The following LUC7L3 variants were observed in gnomAD, a reference collection of about 807,000 sequenced individuals.
LUC7L3 encodes the protein LUC7 like 3 pre-mRNA splicing factor, also known as luc7-like protein 3.
Under a neutral mutation model 66.8 loss-of-function variants are expected in LUC7L3, and 6 were observed. That is an observed-to-expected ratio of 0.09 (90% CI 0.05 to 0.18). LUC7L3 has a LOEUF of 0.18. Ranked by LOEUF, LUC7L3 falls within the 10% of genes least tolerant of loss-of-function variation. The pLI, the probability that LUC7L3 is intolerant of heterozygous loss-of-function variation, is 1.00. For missense variants in LUC7L3, 341 were observed against 531.1 expected (o/e 0.64, Z 3.52); for synonymous variants, 160 against 174.7 (o/e 0.92, Z 0.66).
intron 1 of LUC7L3, among the ~76,000 whole-genome samples, chr17:50,725,046 C>A (rs1381572130): frequency 2.0e-5 from 3 of 152,148 alleles, no homozygotes; most frequent in Non-Finnish European, 2.9e-5. Flanking sequence ...GGGTGAGCCA[C>A]CATGCCCAGC....
chr17:50,742,373 G>GT (rs529042912), intron 5 of LUC7L3, among the ~76,000 whole-genome samples: 15 of 152,128 alleles, frequency 9.9e-5, no homozygotes, highest in African/African-American at 2.7e-4. Flanking sequence ...CGTTGTTACT[G>GT]TTTTTTTGAC....
intron 5 of LUC7L3, 66 bp from the exon 6 acceptor site, chr17:50,743,640 G>A (rs1394459077): frequency 4.9e-6 from 5 of 1,013,992 alleles, no homozygotes; most frequent in East Asian, 2.4e-5. Context: ...AATGAACCAT[G>A]GGGAAAAAAG....
In LUC7L3 at chr17:50,736,767, C is replaced by G. The variant is rs185337795; in HGVS notation, c.100-193C>G. 5.8e-4 allele frequency: 315 copies of G among 543,762 alleles called. 1 individual carries two copies. In the East Asian group the frequency reaches 1.0e-2, roughly 17 times the overall value. 33.7% of individuals were successfully genotyped at this position (543,762 alleles called of 1,614,324 possible). A position where few individuals can be genotyped will look rare whatever the true frequency, so the allele number is the denominator to read the frequency against. On this transcript the variant is annotated intron_variant, in intron 1 of 9. Transcript: ENST00000505658. ...GAAAATACTAGTAATACGAGTACTGCAGATTTATTCTTTTATCGAAATTCA... is the reference window on the plus strand; with the variant it reads ...GAAAATACTAGTAATACGAGTACTGGAGATTTATTCTTTTATCGAAATTCA...
chr17:50,734,422 C>T (rs1341814499), intron 1 of LUC7L3, among the ~76,000 whole-genome samples: 1 of 152,188 alleles, frequency 6.6e-6, no homozygotes, highest in Non-Finnish European at 1.5e-5. Context: ...CCGCCTTGGC[C>T]TCCCAAAGTG....
chr17:50,734,520 G>A (rs944974043), intron 1 of LUC7L3, among the ~76,000 whole-genome samples: 1 of 151,998 alleles, frequency 6.6e-6, no homozygotes, highest in African/African-American at 2.4e-5. Context: ...TGTTGCCAGG[G>A]CCTGGAGTAC....
intron 2 of LUC7L3, chr17:50,738,164 AG>A (rs1281206318): frequency 1.1e-5 from 5 of 456,206 alleles, no homozygotes; most frequent in Non-Finnish European, 1.8e-5. Context: ...TCTTCTCTAG[AG>A]AAAGTGAACA....
intron 1 of LUC7L3, among the ~76,000 whole-genome samples, chr17:50,733,999 A>G (rs937222817): frequency 1.3e-5 from 2 of 152,212 alleles, no homozygotes; most frequent in African/African-American, 4.8e-5. Context: ...AGTGAACACA[A>G]AGTTGAACAA....
At chr17:50,724,322 C>T (rs1320480988) in intron 1 of LUC7L3, 1 of 155,772 alleles carries the variant, frequency 6.4e-6, no homozygotes, top group Admixed American at 6.5e-5. Flanking sequence ...GAGTTCGAGA[C>T]CAGCCTGGCC....
At position 50,751,778 on chromosome 17, in the gene LUC7L3, C is replaced by G; in HGVS notation, c.*1117C>G. On this transcript the variant is annotated 3_prime_UTR_variant, in exon 10 of 10. Coordinates refer to ENST00000505658, the MANE Select transcript of LUC7L3 (RefSeq NM_016424.5). ...GCAGTGTGAATAGCAAGGACAGACA[C>G]CTTCAATTTGTGAAATCAAAGAACT... 1 of 1,018,082 alleles carries G rather than the reference C, an allele frequency of 9.8e-7. No individual in the cohort carries two copies. The highest frequency in any genetic ancestry group is 1.2e-6 in the Non-Finnish European group (1 of 849,150). The allele number at this position is 1,018,082 out of a possible 1,614,324, so 63.1% of individuals were successfully genotyped here.
At chr17:50,740,035 C>T (rs932022422) in intron 2 of LUC7L3, among the ~76,000 whole-genome samples, 1 of 152,116 alleles carries the variant, frequency 6.6e-6, no homozygotes, top group African/African-American at 2.4e-5. Flanking sequence ...CTTTCACCTT[C>T]CCTCCTTTTC....
At chr17:50,729,084 T>C (rs1189967214) in intron 1 of LUC7L3, among the ~76,000 whole-genome samples, 1 of 152,192 alleles carries the variant, frequency 6.6e-6, no homozygotes, top group Non-Finnish European at 1.5e-5. Flanking sequence ...TAGGTTTCTG[T>C]GGCACATTCT....
At chr17:50,743,220 A>G (rs566841631) in intron 5 of LUC7L3, among the ~76,000 whole-genome samples, 2 of 150,158 alleles carry the variant, frequency 1.3e-5, no homozygotes, top group Non-Finnish European at 1.5e-5. Flanking sequence ...AAAAAAAAAA[A>G]CAGAGTCTCA....
intron 1 of LUC7L3, among the ~76,000 whole-genome samples, chr17:50,734,169 CTTT>C (rs11312737): frequency 5.0e-5 from 7 of 139,690 alleles, no homozygotes; most frequent in Admixed American, 7.1e-5. Flanking sequence ...TTTTTTAAAA[CTTT>C]TTTTTTTTTT....
intron 1 of LUC7L3, chr17:50,723,848 T>C (rs1403697308): frequency 5.3e-6 from 2 of 379,434 alleles, no homozygotes; most frequent in African/African-American, 4.3e-5. Context: ...TTGGCCAGGC[T>C]GGTCTTGAAC....
intron 1 of LUC7L3, among the ~76,000 whole-genome samples, chr17:50,725,238 T>C (rs1008292450): frequency 3.9e-4 from 60 of 152,056 alleles, no homozygotes; most frequent in African/African-American, 1.4e-3. Flanking sequence ...GGCGAAACCC[T>C]GTCTCTACTA....
At chr17:50,723,766 A>G (rs553095083) in intron 1 of LUC7L3, 137 of 322,868 alleles carry the variant, frequency 4.2e-4, no homozygotes, top group Non-Finnish European at 7.5e-4. Context: ...CGTCCCGAGT[A>G]ATTGGGATTG....
intron 7 of LUC7L3, 40 bp downstream of exon 7, chr17:50,744,853 G>A (rs1257809626): frequency 1.3e-6 from 2 of 1,555,192 alleles, no homozygotes; most frequent in South Asian, 1.1e-5. Context: ...TTCTTGCTCT[G>A]TCACCTAGAG....
At chr17:50,748,602 G>C (rs1181946190) in intron 9 of LUC7L3, among the ~76,000 whole-genome samples, 2 of 151,932 alleles carry the variant, frequency 1.3e-5, no homozygotes, top group Non-Finnish European at 2.9e-5. Flanking sequence ...GGGGTTATAG[G>C]TGTAAGCCAC....
chr17:50,747,906 A>G (rs1262657157), intron 9 of LUC7L3, among the ~76,000 whole-genome samples: 1 of 152,234 alleles, frequency 6.6e-6, no homozygotes, highest in Non-Finnish European at 1.5e-5. Flanking sequence ...AGTTGCTACA[A>G]AGGGTTAACT....
Sources: allele counts gnomAD v4.1 joint callset (sites outside exome capture counted in the v4.1 genomes callset), GRCh38; gene constraint gnomAD v4.1.1; transcripts MANE v1.5; gene names NCBI Gene and HGNC (gene_info 2026-07-23, HGNC 2026-07-21).